NELL1: variants seen among roughly 807,000 people sequenced by gnomAD.
The protein encoded by NELL1 is neural EGFL like 1.
NELL1 carries 76 observed loss-of-function variants against 107.4 expected under a neutral mutation model. The ratio of observed to expected loss-of-function variants is 0.71; its 90% CI spans 0.59 to 0.86. NELL1 has a LOEUF of 0.86. Among genes scored for constraint, NELL1 ranks in the 40% least tolerant of loss-of-function variants. The pLI is 0.00. For synonymous variants in NELL1, 353 were observed against 341.2 expected (o/e 1.03, Z -0.38); for missense variants, 1,024 against 1,005.5 (o/e 1.02, Z -0.25).
At chr11:21,172,916 G>T (rs1856636421) in intron 13 of NELL1, among the ~76,000 whole-genome samples, 1 of 125,558 alleles carries the variant, frequency 8.0e-6, no homozygotes, top group African/African-American at 3.1e-5. Context: ...GCAGGTGTGT[G>T]TCTGTCTGTG....
At chr11:20,969,827 T>A (rs1590476915) in intron 12 of NELL1, among the ~76,000 whole-genome samples, 1 of 152,126 alleles carries the variant, frequency 6.6e-6, no homozygotes, top group Admixed American at 6.6e-5. Context: ...AATAAAGGCC[T>A]TACTTTACCA....
At chr11:21,284,307 A>G (rs1849063242) in intron 14 of NELL1, 1 of 457,332 alleles carries the variant, frequency 2.2e-6, no homozygotes, top group African/African-American at 2.0e-5. Flanking sequence ...GAGGGTGAGT[A>G]TAGCAATCTG....
chr11:21,452,232 A>G (rs897903862), intron 15 of NELL1, among the ~76,000 whole-genome samples: 2 of 152,050 alleles, frequency 1.3e-5, no homozygotes, highest in African/African-American at 4.8e-5. Flanking sequence ...CTTTTTTTGA[A>G]AGATGAAAAA....
At chr11:21,035,947 T>C (rs760176933) in intron 12 of NELL1, among the ~76,000 whole-genome samples, 3 of 152,132 alleles carry the variant, frequency 2.0e-5, no homozygotes, top group South Asian at 2.1e-4. Flanking sequence ...AGTCAAACTA[T>C]CCTTGTTTGC....
At chr11:21,349,411 A>G (rs1850753178) in intron 14 of NELL1, among the ~76,000 whole-genome samples, 1 of 152,162 alleles carries the variant, frequency 6.6e-6, no homozygotes, top group South Asian at 2.1e-4. Context: ...TCAGCATGAA[A>G]AACTGCTCAG....
chr11:21,057,799 CCTAT>C (rs1256969606), intron 12 of NELL1, among the ~76,000 whole-genome samples: 1 of 151,836 alleles, frequency 6.6e-6, no homozygotes, highest in African/African-American at 2.4e-5. Context: ...TAAAATTTTG[CCTAT>C]CTGTGATTTT....
intron 14 of NELL1, among the ~76,000 whole-genome samples, chr11:21,287,666 T>G (rs2133955320): frequency 6.6e-6 from 1 of 152,310 alleles, no homozygotes; most frequent in East Asian, 1.9e-4. Flanking sequence ...TCTTCTTCAT[T>G]AGATGAATTT....
At position 21,421,308 on chromosome 11, in the gene NELL1, T is replaced by C. The variant is rs952445527; in HGVS notation, c.1645+50360T>C. 2.6e-5 allele frequency among the ~76,000 whole-genome samples: 4 copies of C among 152,276 alleles called. No homozygotes were observed. The South Asian group carries it at 8.3e-4, about 32-fold the overall frequency. ...CTGGAGTCTATTCCAAGGCTTGCAG[T>C]GTCCAGGGGAAGCCTTGAACAATAA... On this transcript the variant is annotated intron_variant, in intron 15 of 19. Transcript: ENST00000357134.
intron 4 of NELL1, among the ~76,000 whole-genome samples, chr11:20,869,571 T>C (rs1180418526): frequency 2.0e-5 from 3 of 152,176 alleles, no homozygotes; most frequent in African/African-American, 7.2e-5. Flanking sequence ...AGTGCATAAG[T>C]GCAAAAATAG....
intron 12 of NELL1, among the ~76,000 whole-genome samples, chr11:21,058,024 G>A (rs1853651449): frequency 1.3e-5 from 2 of 151,912 alleles, no homozygotes; most frequent in Non-Finnish European, 2.9e-5. Context: ...TGAAATCTAG[G>A]CCATAGAAAG....
chr11:21,353,381 G>T (rs1164385420), intron 14 of NELL1, among the ~76,000 whole-genome samples: 1 of 152,166 alleles, frequency 6.6e-6, no homozygotes, highest in Non-Finnish European at 1.5e-5. Context: ...AGGAAACTGA[G>T]GCACAGAGGA....
intron 12 of NELL1, among the ~76,000 whole-genome samples, chr11:21,108,485 T>A (rs1261761182): frequency 1.3e-5 from 2 of 151,956 alleles, no homozygotes; most frequent in Admixed American, 6.6e-5. Context: ...CACCAGAAAA[T>A]GAGCTCTAAT....
At chr11:21,313,075 A>G (rs1849784631) in intron 14 of NELL1, among the ~76,000 whole-genome samples, 1 of 151,504 alleles carries the variant, frequency 6.6e-6, no homozygotes, top group Non-Finnish European at 1.5e-5. Context: ...AATAAAATAA[A>G]ATAAAATAAT....
intron 7 of NELL1, among the ~76,000 whole-genome samples, chr11:20,922,765 A>G (rs1850407958): frequency 1.3e-5 from 2 of 152,152 alleles, no homozygotes; most frequent in South Asian, 2.1e-4. Context: ...TCACTATTTT[A>G]TAATTTCCTT....
chr11:21,245,837 G>T (rs961266458), intron 14 of NELL1, among the ~76,000 whole-genome samples: 2 of 152,052 alleles, frequency 1.3e-5, no homozygotes, highest in African/African-American at 4.8e-5. Flanking sequence ...TTACCTTTAG[G>T]TATTTATGTT....
At chr11:20,695,120 T>C (rs1466106031) in intron 2 of NELL1, among the ~76,000 whole-genome samples, 3 of 152,144 alleles carry the variant, frequency 2.0e-5, no homozygotes, top group Non-Finnish European at 4.4e-5. Flanking sequence ...ATAAAAATGT[T>C]ACTGATTTTT....
At chr11:20,887,097 T>C (rs1046986800) in intron 5 of NELL1, among the ~76,000 whole-genome samples, 8 of 152,206 alleles carry the variant, frequency 5.3e-5, no homozygotes, top group Non-Finnish European at 8.8e-5. Flanking sequence ...AATGGAATCA[T>C]TTATGTGTGT....
chr11:20,776,587 T>C (rs1025329121), intron 2 of NELL1, among the ~76,000 whole-genome samples: 1 of 151,990 alleles, frequency 6.6e-6, no homozygotes, highest in Non-Finnish European at 1.5e-5. Flanking sequence ...GGAACCTGAG[T>C]TGGCCTGGGG....
In NELL1 at chr11:20,776,320, T is replaced by A. The variant is rs968145344; in HGVS notation, c.185-7360T>A. Among the ~76,000 whole-genome samples the A allele has an allele frequency of 2.0e-5, 3 of 152,124 alleles. No homozygotes were observed. The East Asian group carries it at 5.8e-4, about 29-fold the overall frequency. ...CAGGTGTGGTGATGGGCGCCTGTAGTCCCAGCTACTTGGGAGGCTGAGGCA... is the reference window on the plus strand; with the variant it reads ...CAGGTGTGGTGATGGGCGCCTGTAGACCCAGCTACTTGGGAGGCTGAGGCA... On this transcript the variant is annotated intron_variant, in intron 2 of 19. Coordinates refer to ENST00000357134, the MANE Select transcript of NELL1 (RefSeq NM_006157.5).
Sources: gnomAD v4.1 joint callset for allele counts (sites outside exome capture counted in the v4.1 genomes callset) on GRCh38, gnomAD v4.1.1 for gene constraint, MANE v1.5 for transcripts, NCBI Gene and HGNC (gene_info 2026-07-23, HGNC 2026-07-21) for gene names.